Variants in EPHA5 observed in about 807,000 individuals in gnomAD.
The protein encoded by EPHA5 is EPH receptor A5, also known as ephrin type-A receptor 5.
In EPHA5, 60 loss-of-function variants were observed where a neutral mutation model predicts 105.0. The ratio of observed to expected loss-of-function variants is 0.57; its 90% confidence interval spans 0.46 to 0.71. The LOEUF (loss-of-function observed/expected upper bound fraction) is 0.71. Ranked by LOEUF, EPHA5 falls within the 30% of genes least tolerant of loss-of-function variation. The pLI is 0.00. For missense variants in EPHA5, 1,218 were observed against 1,274.7 expected, an observed-to-expected ratio of 0.96 and a Z score of 0.68; for synonymous variants, 513 against 449.1, an observed-to-expected ratio of 1.14 and a Z score of -1.80.
At chr4:65,390,388 T>C (rs1286484367) in intron 8 of EPHA5, among the ~76,000 whole-genome samples, 1 of 152,102 alleles carries the variant, frequency 6.6e-6, no homozygotes, top group African/African-American at 2.4e-5. Flanking sequence ...CAACAAAGGC[T>C]CACTCCTAGA....
At chr4:65,385,597 A>T (rs1719999476) in intron 8 of EPHA5, among the ~76,000 whole-genome samples, 1 of 151,846 alleles carries the variant, frequency 6.6e-6, no homozygotes, top group Non-Finnish European at 1.5e-5. Flanking sequence ...AAAATCACAT[A>T]TTATAATAGT....
chr4:65,445,750 A>G (rs1726455582), intron 5 of EPHA5, among the ~76,000 whole-genome samples: 1 of 152,152 alleles, frequency 6.6e-6, no homozygotes, highest in African/African-American at 2.4e-5. Context: ...GTACAAAAAT[A>G]TTAATTTTGG....
intron 3 of EPHA5, among the ~76,000 whole-genome samples, chr4:65,552,074 T>C (rs910432895): frequency 3.9e-5 from 6 of 152,188 alleles, no homozygotes; most frequent in African/African-American, 9.6e-5. Context: ...CACGTTTTCA[T>C]TCACAGCAGA....
intron 15 of EPHA5, among the ~76,000 whole-genome samples, chr4:65,332,811 G>A (rs1400185284): frequency 1.3e-5 from 2 of 151,858 alleles, no homozygotes; most frequent in African/African-American, 2.4e-5. Flanking sequence ...AGCTATGTGG[G>A]ATAATTTGTG....
intron 1 of EPHA5, among the ~76,000 whole-genome samples, chr4:65,657,650 A>G (rs913160334): frequency 2.0e-5 from 3 of 152,162 alleles, no homozygotes; most frequent in Non-Finnish European, 4.4e-5. Context: ...TCTATTGGTT[A>G]TGGATTTATG....
chr4:65,486,137 A>G (rs547299551), intron 5 of EPHA5, among the ~76,000 whole-genome samples: 2 of 152,266 alleles, frequency 1.3e-5, no homozygotes, highest in Admixed American at 6.5e-5. Context: ...TTTTTATAAT[A>G]AGAAAACCTT....
chr4:65,542,440 A>T (rs1337192792), intron 3 of EPHA5, among the ~76,000 whole-genome samples: 3 of 152,140 alleles, frequency 2.0e-5, no homozygotes, highest in Admixed American at 6.6e-5. Context: ...GAATACTGTA[A>T]CACTTCTACT....
At chr4:65,578,822 T>C (rs978414428) in intron 3 of EPHA5, among the ~76,000 whole-genome samples, 2 of 152,082 alleles carry the variant, frequency 1.3e-5, no homozygotes, top group African/African-American at 4.8e-5. Flanking sequence ...AGAAACTCAA[T>C]GCTGACTATA....
At chr4:65,490,300 C>T in intron 5 of EPHA5, 77 bp downstream of exon 5, 1 of 1,392,198 alleles carries the variant, frequency 7.2e-7, no homozygotes, top group African/African-American at 1.4e-5. Flanking sequence ...AGATTTCAGT[C>T]AACTTGGCCG....
At chr4:65,466,153 T>A (rs1163020529) in intron 5 of EPHA5, among the ~76,000 whole-genome samples, 1 of 152,250 alleles carries the variant, frequency 6.6e-6, no homozygotes, top group Non-Finnish European at 1.5e-5. Flanking sequence ...TGTACACATA[T>A]GCACATAACT....
intron 5 of EPHA5, among the ~76,000 whole-genome samples, chr4:65,467,851 G>C (rs932790481): frequency 1.3e-5 from 2 of 152,136 alleles, no homozygotes; most frequent in East Asian, 1.9e-4. Flanking sequence ...AAGTGAAGAG[G>C]GGGGCTGAAG....
At chr4:65,602,972 T>C (rs1309745929) in intron 2 of EPHA5, among the ~76,000 whole-genome samples, 3 of 152,032 alleles carry the variant, frequency 2.0e-5, no homozygotes, top group Admixed American at 1.3e-4. Context: ...TATATAAACA[T>C]GGAGACAGAT....
chr4:65,485,222 CAAAGA>C (rs1329573849), intron 5 of EPHA5, among the ~76,000 whole-genome samples: 7 of 151,798 alleles, frequency 4.6e-5, no homozygotes, highest in Non-Finnish European at 5.9e-5. Flanking sequence ...TGTAATTGGC[CAAAGA>C]ATTCTTTATA....
intron 16 of EPHA5, chr4:65,331,460 A>T (rs926388502): frequency 9.5e-7 from 1 of 1,047,662 alleles, no homozygotes; most frequent in African/African-American, 1.7e-5. Context: ...ATACATCCTT[A>T]GATTGAAAGA....
At chr4:65,428,803 C>T (rs1724700136) in intron 5 of EPHA5, among the ~76,000 whole-genome samples, 4 of 151,870 alleles carry the variant, frequency 2.6e-5, no homozygotes, top group Non-Finnish European at 5.9e-5. Flanking sequence ...TGAAATCATA[C>T]ACTTTAAATA....
At chr4:65,524,356 T>C (rs1247941205) in intron 3 of EPHA5, among the ~76,000 whole-genome samples, 1 of 151,808 alleles carries the variant, frequency 6.6e-6, no homozygotes, top group Non-Finnish European at 1.5e-5. Flanking sequence ...AAATTGTTCA[T>C]ATAATATCCT....
At chr4:65,535,120 A>G (rs896822941) in intron 3 of EPHA5, among the ~76,000 whole-genome samples, 2 of 152,214 alleles carry the variant, frequency 1.3e-5, no homozygotes, top group African/African-American at 4.8e-5. Flanking sequence ...GTAAGTATGA[A>G]TTTCCACATG....
intron 5 of EPHA5, among the ~76,000 whole-genome samples, chr4:65,434,843 C>T (rs1262166106): frequency 1.3e-5 from 2 of 151,946 alleles, no homozygotes; most frequent in African/African-American, 2.4e-5. Context: ...TTTTTTAAGA[C>T]CATGAAGTAC....
At chr4:65,550,955 C>T (rs918250387) in intron 3 of EPHA5, among the ~76,000 whole-genome samples, 1 of 151,706 alleles carries the variant, frequency 6.6e-6, no homozygotes, top group African/African-American at 2.4e-5. Flanking sequence ...TTACAGAACA[C>T]ATTATATTTA....
Sources: gnomAD v4.1 joint callset for allele counts (sites outside exome capture counted in the v4.1 genomes callset) on GRCh38, gnomAD v4.1.1 for gene constraint, MANE v1.5 for transcripts, NCBI Gene and HGNC (gene_info 2026-07-23, HGNC 2026-07-21) for gene names.